PKNOX2: variants seen among roughly 807,000 people sequenced by gnomAD.
The protein encoded by PKNOX2 is PBX/knotted 1 homeobox 2.
PKNOX2 carries 14 observed loss-of-function variants against 53.1 expected under a neutral mutation model. The observed-to-expected ratio is 0.26, with a 90% CI of 0.17 to 0.41. PKNOX2 has a LOEUF of 0.41. Among genes scored for constraint, PKNOX2 ranks in the 10% least tolerant of loss-of-function variants. PKNOX2 has a pLI of 1.00. For missense variants in PKNOX2, 496 were observed against 602.8 expected, an observed-to-expected ratio of 0.82 and a Z score of 1.85; for synonymous variants, 257 against 242.8, an observed-to-expected ratio of 1.06 and a Z score of -0.54.
chr11:125,174,876 G>T (rs144359660), intron 1 of PKNOX2, among the ~76,000 whole-genome samples: 1 of 152,102 alleles, frequency 6.6e-6, no homozygotes, highest in African/African-American at 2.4e-5. Flanking sequence ...CCCACCCACC[G>T]GCTCTGGGAG....
At position 125,232,840 on chromosome 11, in the gene PKNOX2, T is replaced by TC. The variant is rs10672818; in HGVS notation, c.-200-2204dup. Reference sequence around the variant, plus strand: ...AAATAATCCAAGTCTTTTTTTTTTTTCAAACTGGGTCATCCCATTATGGTT... The same window carrying TC: ...AAATAATCCAAGTCTTTTTTTTTTTTCCAAACTGGGTCATCCCATTATGGTT... On this transcript the variant is annotated intron_variant, in intron 1 of 12. Coordinates refer to ENST00000298282, the MANE Select transcript of PKNOX2 (RefSeq NM_001382323.2). Among the ~76,000 whole-genome samples the TC allele has an allele frequency of 2.0e-5, 3 of 152,108 alleles. No homozygotes were observed. The East Asian group carries it at 5.8e-4, about 29-fold the overall frequency.
At chr11:125,272,025 A>C (rs1945829473) in intron 2 of PKNOX2, among the ~76,000 whole-genome samples, 1 of 152,252 alleles carries the variant, frequency 6.6e-6, no homozygotes, top group South Asian at 2.1e-4. Flanking sequence ...ATCACAGAAC[A>C]CTATAAGCCC....
rs1288289105 is a variant in PKNOX2 at position 125,189,369 on chromosome 11, GTA to G, written c.-201+24605_-201+24606del. 7.4e-3 allele frequency among the ~76,000 whole-genome samples: 384 copies of G among 52,222 alleles called. 2 individuals carry two copies. The highest frequency in any genetic ancestry group is 0.02 in the African/African-American group (353 of 17,744). The allele number at this position is 52,222 out of a possible 152,430, so 34.3% of individuals were successfully genotyped here. A position where few individuals can be genotyped will look rare whatever the true frequency, so the allele number is the denominator to read the frequency against. On this transcript the variant is annotated intron_variant, in intron 1 of 12. Transcript: ENST00000298282. Reference sequence around the variant, plus strand: ...TGAAATTCTAATTATATATATATATGTATATATATATATGTGTGTATATATAT... The same window carrying G: ...TGAAATTCTAATTATATATATATATGTATATATATATGTGTGTATATATAT...
intron 4 of PKNOX2, among the ~76,000 whole-genome samples, chr11:125,355,009 G>A (rs1477345405): frequency 6.6e-6 from 1 of 152,206 alleles, no homozygotes; most frequent in Non-Finnish European, 1.5e-5. Flanking sequence ...GCTCATGCCT[G>A]TAATACCAGC....
chr11:125,256,508 G>A (rs926761190), intron 2 of PKNOX2, among the ~76,000 whole-genome samples: 11 of 152,144 alleles, frequency 7.2e-5, no homozygotes, highest in Admixed American at 2.6e-4. Flanking sequence ...ATTTGGGGCC[G>A]GGGAAGGGCA....
intron 1 of PKNOX2, among the ~76,000 whole-genome samples, chr11:125,170,788 G>T (rs980114727): frequency 6.8e-6 from 1 of 146,286 alleles, no homozygotes; most frequent in African/African-American, 2.5e-5. Flanking sequence ...AAACAGCTTC[G>T]TTCTTGTATT....
chr11:125,220,138 C>A (rs1940968434), intron 1 of PKNOX2, among the ~76,000 whole-genome samples: 1 of 151,816 alleles, frequency 6.6e-6, no homozygotes, highest in African/African-American at 2.4e-5. Flanking sequence ...AAAAAAATAA[C>A]CCACCAAGTT....
At chr11:125,217,496 C>T (rs1940661656) in intron 1 of PKNOX2, among the ~76,000 whole-genome samples, 1 of 152,202 alleles carries the variant, frequency 6.6e-6, no homozygotes, top group Non-Finnish European at 1.5e-5. Context: ...AGGCCAGCTA[C>T]AAATACTTCC....
intron 3 of PKNOX2, 48 bp from the exon 4 acceptor site, chr11:125,351,236 G>A: frequency 1.2e-6 from 1 of 839,286 alleles, no homozygotes; most frequent in Non-Finnish European, 2.0e-6. Context: ...CCCAGGGCGG[G>A]CCTGCTCAGC....
intron 2 of PKNOX2, among the ~76,000 whole-genome samples, chr11:125,263,401 G>T (rs746633713): frequency 3.2e-4 from 49 of 152,198 alleles, no homozygotes; most frequent in Non-Finnish European, 4.1e-4. Context: ...TAGGCAAACA[G>T]CAGGGACTGC....
intron 2 of PKNOX2, among the ~76,000 whole-genome samples, chr11:125,286,686 A>G (rs1483812837): frequency 6.6e-6 from 1 of 152,206 alleles, no homozygotes; most frequent in Non-Finnish European, 1.5e-5. Flanking sequence ...AGCAATGGCC[A>G]AAGCTGTGAT....
At chr11:125,274,631 A>G (rs1196909725) in intron 2 of PKNOX2, among the ~76,000 whole-genome samples, 1 of 152,246 alleles carries the variant, frequency 6.6e-6, no homozygotes, top group Admixed American at 6.5e-5. Context: ...GGCTGCAGCT[A>G]GGAGGACTTG....
intron 2 of PKNOX2, among the ~76,000 whole-genome samples, chr11:125,293,322 G>A (rs1947431187): frequency 6.6e-6 from 1 of 152,064 alleles, no homozygotes; most frequent in Admixed American, 6.5e-5. Context: ...CATGTATGTG[G>A]GCAGGTGGAT....
At chr11:125,318,717 C>T (rs565245776) in intron 2 of PKNOX2, among the ~76,000 whole-genome samples, 1 of 152,302 alleles carries the variant, frequency 6.6e-6, no homozygotes, top group South Asian at 2.1e-4. Flanking sequence ...TATGGTTCGG[C>T]TCTTTGTCCC....
intron 2 of PKNOX2, among the ~76,000 whole-genome samples, chr11:125,313,930 G>T (rs765256405): frequency 4.6e-5 from 7 of 152,252 alleles, no homozygotes; most frequent in African/African-American, 9.6e-5. Context: ...AGTACTTACC[G>T]CACAGGATGG....
chr11:125,322,635 C>A (rs1949590452), intron 2 of PKNOX2, among the ~76,000 whole-genome samples: 1 of 152,230 alleles, frequency 6.6e-6, no homozygotes, highest in African/African-American at 2.4e-5. Context: ...GACACCCTCA[C>A]TGCTGAATCA....
At chr11:125,194,457 C>T (rs1957065637) in intron 1 of PKNOX2, among the ~76,000 whole-genome samples, 1 of 152,032 alleles carries the variant, frequency 6.6e-6, no homozygotes, top group African/African-American at 2.4e-5. Context: ...AGCTCCCAGT[C>T]CCCCACCCCC....
intron 6 of PKNOX2, among the ~76,000 whole-genome samples, chr11:125,397,655 A>G (rs1591556223): frequency 6.6e-6 from 1 of 152,278 alleles, no homozygotes; most frequent in South Asian, 2.1e-4. Context: ...GCTCAGAGCA[A>G]AGGAATAATT....
rs564175231 is a variant in PKNOX2, at chr11:125,255,063, A to C, written c.-130+19948A>C. Among the ~76,000 whole-genome samples, 64 of 152,336 alleles carry C rather than the reference A, an allele frequency of 4.2e-4. 1 individual carries two copies. The highest frequency in any genetic ancestry group is 4.1e-3 in the Admixed American group (62 of 15,290). On this transcript the variant is annotated intron_variant, in intron 2 of 12. Transcript: ENST00000298282. Reference sequence around the variant, plus strand: ...GTCCTTTCAGGGTTTGCTGTCTAGCAAGTATTCCAGATTAATGCCCATTTA... The same window carrying C: ...GTCCTTTCAGGGTTTGCTGTCTAGCCAGTATTCCAGATTAATGCCCATTTA...
Sources: gnomAD v4.1 joint callset for allele counts (sites outside exome capture counted in the v4.1 genomes callset) on GRCh38, gnomAD v4.1.1 for gene constraint, MANE v1.5 for transcripts, NCBI Gene and HGNC (gene_info 2026-07-23, HGNC 2026-07-21) for gene names.